The following SVOP variants were observed in gnomAD, a reference collection of about 807,000 sequenced individuals.
SVOP encodes the protein SV2 related protein.
SVOP carries 17 observed loss-of-function variants against 69.1 expected under a neutral mutation model. The ratio of observed to expected loss-of-function variants is 0.25; its 90% CI spans 0.17 to 0.37. SVOP has a LOEUF of 0.37. SVOP is among the 10% of genes least tolerant of loss of function. SVOP has a pLI of 1.00. For synonymous variants in SVOP, 238 were observed against 238.6 expected, an observed-to-expected ratio of 1.00 and a Z score of 0.02; for missense variants, 435 against 597.5, an observed-to-expected ratio of 0.73 and a Z score of 2.84.
intron 1 of SVOP, among the ~76,000 whole-genome samples, chr12:109,009,240 G>A (rs2040328049): frequency 6.6e-6 from 1 of 151,922 alleles, no homozygotes; most frequent in South Asian, 2.1e-4. Context: ...GGGATTACAG[G>A]CATGAGCCAC....
At chr12:108,947,108 T>C (rs1309885473) in intron 6 of SVOP, among the ~76,000 whole-genome samples, 2 of 152,186 alleles carry the variant, frequency 1.3e-5, no homozygotes, top group Non-Finnish European at 2.9e-5. Flanking sequence ...CTTTTTGGCA[T>C]GCCTCCATCA....
rs983459038 is a variant in SVOP at position 108,911,760 on chromosome 12, T to C, written c.*775A>G. ...AGGAAAGAAGTCGGAACCGTGGCCT[T>C]CGCTGCTTCAGAAGGGGAGGCCCGT... On this transcript the variant is annotated 3_prime_UTR_variant, in exon 16 of 16. Transcript: ENST00000610966. The C allele has an allele frequency of 2.6e-5, 4 of 152,242 alleles. No homozygotes were observed. Among genetic ancestry groups the C allele is most frequent in the Admixed American group, 6.5e-5 (1 of 15,272 alleles). The allele number at this position is 152,242 out of a possible 1,614,324, so 9.4% of individuals were successfully genotyped here.
chr12:108,996,789 G>A (rs535030874), intron 1 of SVOP, among the ~76,000 whole-genome samples: 11 of 152,104 alleles, frequency 7.2e-5, no homozygotes, highest in African/African-American at 1.2e-4. Flanking sequence ...GAAATTAGTC[G>A]GGAGTAGTGG....
chr12:108,950,712 C>T (rs1209235596), intron 6 of SVOP, among the ~76,000 whole-genome samples: 1 of 152,194 alleles, frequency 6.6e-6, no homozygotes, highest in Non-Finnish European at 1.5e-5. Flanking sequence ...GCTGCATAGT[C>T]TTCCTCACCT....
At chr12:108,915,056 C>G (rs1192173895) in intron 15 of SVOP, among the ~76,000 whole-genome samples, 1 of 151,306 alleles carries the variant, frequency 6.6e-6, no homozygotes, top group Non-Finnish European at 1.5e-5. Context: ...GCCTGTAATC[C>G]CAGCTACTCG....
chr12:109,011,564 G>T (rs1026028142), intron 1 of SVOP, among the ~76,000 whole-genome samples: 3 of 152,176 alleles, frequency 2.0e-5, no homozygotes, highest in Admixed American at 1.3e-4. Context: ...TCTATGCAGA[G>T]CTTCTCCCCT....
At chr12:109,006,095 C>G (rs1012261258) in intron 1 of SVOP, among the ~76,000 whole-genome samples, 3 of 152,162 alleles carry the variant, frequency 2.0e-5, no homozygotes, top group Non-Finnish European at 2.9e-5. Flanking sequence ...TCTTGTCACC[C>G]AGGCTGGAGT....
intron 7 of SVOP, 136 bp from the exon 8 acceptor site, chr12:108,941,045 TC>T: frequency 7.9e-7 from 1 of 1,273,784 alleles, no homozygotes; most frequent in Non-Finnish European, 1.1e-6. Context: ...AGCCACACTT[TC>T]CCTGTGGTCT....
chr12:108,920,841 C>T (rs1338633827), intron 12 of SVOP, among the ~76,000 whole-genome samples: 1 of 152,110 alleles, frequency 6.6e-6, no homozygotes, highest in Non-Finnish European at 1.5e-5. Context: ...AGGTAATCTG[C>T]CTGCCTTGGC....
rs2040119259 is a variant in SVOP at position 108,978,563 on chromosome 12, C to T, written c.282+15G>A. The T allele has an allele frequency of 1.4e-6, 1 of 702,974 alleles. No homozygotes were observed. Among genetic ancestry groups the T allele is most frequent in the Non-Finnish European group, 2.6e-6 (1 of 384,548 alleles). The allele number at this position is 702,974 out of a possible 1,614,324, so 43.5% of individuals were successfully genotyped here. ...TTTCTTGGAGGCTGAGCCACTGCCC[C>T]CCAGAAATACTTGCCCAAGCCAAGC... On this transcript the variant is annotated intron_variant, in intron 3 of 15. Coordinates refer to ENST00000610966, the MANE Select transcript of SVOP (RefSeq NM_018711.5).
chr12:108,970,374 G>C (rs571558696), intron 5 of SVOP, among the ~76,000 whole-genome samples: 5 of 152,320 alleles, frequency 3.3e-5, no homozygotes, highest in African/African-American at 1.2e-4. Context: ...AGTGATAATA[G>C]CACCTACTTC....
intron 1 of SVOP, among the ~76,000 whole-genome samples, chr12:108,991,145 C>T (rs563255254): frequency 5.4e-4 from 82 of 152,306 alleles, no homozygotes; most frequent in African/African-American, 1.7e-3. Context: ...AACATCCTGC[C>T]GTCTGGAGCT....
intron 8 of SVOP, 102 bp from the exon 9 acceptor site, chr12:108,939,057 G>C: frequency 2.6e-6 from 4 of 1,528,750 alleles, no homozygotes; most frequent in Non-Finnish European, 3.5e-6. Flanking sequence ...TTAAGAGTGG[G>C]GGCTCTGGAG....
intron 5 of SVOP, among the ~76,000 whole-genome samples, chr12:108,971,793 C>T (rs147630301): frequency 1.3e-5 from 2 of 152,050 alleles, no homozygotes; most frequent in Non-Finnish European, 2.9e-5. Flanking sequence ...TGGCTCATGT[C>T]TGTAATCCCA....
intron 1 of SVOP, among the ~76,000 whole-genome samples, chr12:108,991,338 G>A (rs1017920278): frequency 1.3e-5 from 2 of 152,048 alleles, no homozygotes; most frequent in Non-Finnish European, 2.9e-5. Context: ...GGTGGCTCAC[G>A]CCTCTAATCC....
chr12:109,016,317 TATTG>T (rs2040367377), intron 1 of SVOP, among the ~76,000 whole-genome samples: 1 of 152,216 alleles, frequency 6.6e-6, no homozygotes. Flanking sequence ...TTACCTCTGC[TATTG>T]ATTAAGACCG....
In SVOP at chr12:108,963,164, T is replaced by C. The variant is rs2040026587; in HGVS notation, c.454-2117A>G. Among the ~76,000 whole-genome samples the C allele has an allele frequency of 2.6e-5, 4 of 152,298 alleles. No homozygotes were observed. The South Asian group carries it at 8.3e-4, about 32-fold the overall frequency. On this transcript the variant is annotated intron_variant, in intron 5 of 15. Coordinates refer to ENST00000610966, the MANE Select transcript of SVOP (RefSeq NM_018711.5). ...TGTGAGGTCTGGTCAGGCCTCTTTC[T>C]GCAATACCCTTCCCAGAGCTCCAAG...
chr12:108,965,254 T>C (rs2040038428), intron 5 of SVOP, among the ~76,000 whole-genome samples: 1 of 152,222 alleles, frequency 6.6e-6, no homozygotes, highest in African/African-American at 2.4e-5. Context: ...CAAATTAGCA[T>C]AGCAAGGGCC....
At chr12:108,971,551 C>G (rs1228385720) in intron 5 of SVOP, among the ~76,000 whole-genome samples, 7 of 152,208 alleles carry the variant, frequency 4.6e-5, no homozygotes, top group African/African-American at 1.7e-4. Context: ...GTTCCCTCTT[C>G]CTTCTTGTTT....
Sources: allele counts gnomAD v4.1 joint callset (sites outside exome capture counted in the v4.1 genomes callset), GRCh38; gene constraint gnomAD v4.1.1; transcripts MANE v1.5; gene names NCBI Gene and HGNC (gene_info 2026-07-23, HGNC 2026-07-21).